PHKB: variants seen among roughly 807,000 people sequenced by gnomAD.
PHKB encodes the protein phosphorylase b kinase regulatory subunit beta.
PHKB carries 122 observed loss-of-function variants against 152.1 expected under a neutral mutation model. That is an observed-to-expected ratio of 0.80 (90% CI 0.69 to 0.93). The LOEUF (loss-of-function observed/expected upper bound fraction) is 0.93. Among genes scored for constraint, PHKB ranks in the 40% least tolerant of loss-of-function variants. The pLI is 0.00. For synonymous variants in PHKB, 436 were observed against 464.9 expected (o/e 0.94, Z 0.80); for missense variants, 1,304 against 1,328.4 (o/e 0.98, Z 0.29).
At chr16:47,572,538 G>A (rs906727529) in intron 7 of PHKB, among the ~76,000 whole-genome samples, 1 of 152,144 alleles carries the variant, frequency 6.6e-6, no homozygotes, top group Non-Finnish European at 1.5e-5. Context: ...GCTATGGACA[G>A]GTCTGCGGAA....
In PHKB at chr16:47,596,404, G is replaced by A; in HGVS notation, c.1236G>A (p.Val412=). 6.2e-7 allele frequency: 1 copy of A among 1,610,028 alleles called. No homozygotes were observed. Among genetic ancestry groups the A allele is most frequent in the East Asian group, 2.2e-5 (1 of 44,850 alleles). Residue 412 remains valine (V), a synonymous_variant, in exon 13 of 31, where the codon GTG becomes GTA. Transcript: ENST00000323584. ...GYPVVPKYYY[V]PADFVEYEKN... is the part of the protein sequence containing the mutation. ...CTGTTGTACCAAAGTACTATTATGT[G>A]CCAGCTGACTTTGTAGAATATGAAA...
chr16:47,487,627 A>G (rs921615500), intron 1 of PHKB, among the ~76,000 whole-genome samples: 1 of 151,974 alleles, frequency 6.6e-6, no homozygotes, highest in South Asian at 2.1e-4. Context: ...CTCTGTGTCT[A>G]TTGTTCCCTT....
intron 1 of PHKB, among the ~76,000 whole-genome samples, chr16:47,484,481 G>A (rs1035712965): frequency 5.9e-5 from 9 of 152,078 alleles, no homozygotes; most frequent in Non-Finnish European, 1.3e-4. Flanking sequence ...ATGTATATAT[G>A]TATGTATGCA....
intron 14 of PHKB, among the ~76,000 whole-genome samples, chr16:47,626,130 G>A (rs926383775): frequency 6.6e-6 from 1 of 152,188 alleles, no homozygotes; most frequent in African/African-American, 2.4e-5. Context: ...GTATAAAACT[G>A]TTAAATTCTC....
intron 6 of PHKB, among the ~76,000 whole-genome samples, chr16:47,537,310 G>T (rs906857958): frequency 4.6e-5 from 7 of 152,206 alleles, no homozygotes; most frequent in Non-Finnish European, 8.8e-5. Context: ...TGCTTAAGAG[G>T]TTGGCTTCAT....
intron 16 of PHKB, among the ~76,000 whole-genome samples, chr16:47,642,780 C>G (rs752275479): frequency 5.9e-5 from 9 of 152,062 alleles, no homozygotes; most frequent in Non-Finnish European, 1.2e-4. Context: ...TATACCTTCT[C>G]CAATAAATTT....
At chr16:47,497,571 T>C in intron 2 of PHKB, 83 bp downstream of exon 2, 1 of 809,574 alleles carries the variant, frequency 1.2e-6, no homozygotes, top group South Asian at 1.4e-5. Context: ...GTACATTATG[T>C]GGATGATATT....
At chr16:47,644,516 A>G (rs1330576921) in intron 16 of PHKB, among the ~76,000 whole-genome samples, 1 of 152,350 alleles carries the variant, frequency 6.6e-6, no homozygotes, top group East Asian at 1.9e-4. Context: ...AGCTCTGGCA[A>G]CACCACTAAT....
Position 47,696,638 on chromosome 16 carries a change from G to T in PHKB, c.3003+150G>T, listed in dbSNP as rs894507410. ...GAGACCCAGAACCCTATTCTTTCCG[G>T]AACCTTGATCTCTCCCAGCCGAGTC... On this transcript the variant is annotated intron_variant, in intron 29 of 30. Transcript: ENST00000323584. 3 of 685,464 alleles carry T rather than the reference G, an allele frequency of 4.4e-6. No homozygotes were observed. In the Admixed American group the frequency reaches 6.3e-5, roughly 14 times the overall value. The allele number at this position is 685,464 out of a possible 1,614,324, so 42.5% of individuals were successfully genotyped here.
chr16:47,551,207 A>G (rs552052413), intron 7 of PHKB, among the ~76,000 whole-genome samples: 6 of 151,042 alleles, frequency 4.0e-5, no homozygotes, highest in South Asian at 2.1e-4. Context: ...TTGTGTCTCT[A>G]TCTCCTTCAG....
At chr16:47,644,105 T>G (rs982258410) in intron 16 of PHKB, among the ~76,000 whole-genome samples, 1 of 108,598 alleles carries the variant, frequency 9.2e-6, no homozygotes, top group Admixed American at 9.6e-5. Flanking sequence ...TAATAAAGAG[T>G]AGTATTTAAA....
chr16:47,548,911 G>GA (rs1971222699), intron 7 of PHKB, among the ~76,000 whole-genome samples: 1 of 152,108 alleles, frequency 6.6e-6, no homozygotes, highest in Admixed American at 6.5e-5. Flanking sequence ...ATAAGAACTA[G>GA]AATGCTAGTG....
At chr16:47,497,366 CT>C (rs1254517014) in intron 1 of PHKB, 32 bp from the exon 2 acceptor site, 28 of 1,310,058 alleles carry the variant, frequency 2.1e-5, no homozygotes, top group Non-Finnish European at 2.8e-5. Context: ...GTGAAAATGA[CT>C]GAATTTGATG....
intron 7 of PHKB, among the ~76,000 whole-genome samples, chr16:47,551,454 C>T (rs1399413224): frequency 2.0e-5 from 3 of 152,228 alleles, no homozygotes; most frequent in Non-Finnish European, 4.4e-5. Context: ...TTTATTTCTG[C>T]CTTCATTTTG....
Position 47,699,454 on chromosome 16 carries a change from AT to A in PHKB, c.*89del, listed in dbSNP as rs1214525276. 1 of 1,475,198 alleles carries A rather than the reference AT, an allele frequency of 6.8e-7. No individual in the cohort carries two copies. Among genetic ancestry groups the A allele is most frequent in the African/African-American group, 1.4e-5 (1 of 72,180 alleles). The allele number at this position is 1,475,198 out of a possible 1,614,324, so 91.4% of individuals were successfully genotyped here. A position where few individuals can be genotyped will look rare whatever the true frequency, so the allele number is the denominator to read the frequency against. On this transcript the variant is annotated 3_prime_UTR_variant, in exon 31 of 31. Transcript: ENST00000323584. Reference sequence around the variant, plus strand: ...AAGCTTAATCAAGGCAGCCATTAATATACGAACTGAGCATGCTGGGGAGGTG... The same window carrying A: ...AAGCTTAATCAAGGCAGCCATTAATAACGAACTGAGCATGCTGGGGAGGTG...
intron 7 of PHKB, chr16:47,562,321 T>G (rs891212710): frequency 2.0e-5 from 3 of 152,276 alleles, no homozygotes; most frequent in African/African-American, 7.2e-5. Flanking sequence ...CCAGTAGAGA[T>G]GTGGCCATTC....
intron 7 of PHKB, among the ~76,000 whole-genome samples, chr16:47,567,142 AT>A (rs1406301252): frequency 1.3e-5 from 2 of 152,132 alleles, no homozygotes; most frequent in East Asian, 3.8e-4. Context: ...TGACCTTAGT[AT>A]TTTGATAGGA....
At chr16:47,652,927 G>A (rs1973264727) in intron 20 of PHKB, among the ~76,000 whole-genome samples, 1 of 152,074 alleles carries the variant, frequency 6.6e-6, no homozygotes. Context: ...ACAGGCATAA[G>A]CCACTGCAAC....
At chr16:47,652,800 G>T (rs1383079935) in intron 20 of PHKB, among the ~76,000 whole-genome samples, 1 of 151,970 alleles carries the variant, frequency 6.6e-6, no homozygotes, top group Admixed American at 6.5e-5. Flanking sequence ...ATGCCGCCAT[G>T]CCCAACTAAT....
Sources: allele counts gnomAD v4.1 joint callset (sites outside exome capture counted in the v4.1 genomes callset), GRCh38; gene constraint gnomAD v4.1.1; transcripts MANE v1.5; gene names NCBI Gene and HGNC (gene_info 2026-07-23, HGNC 2026-07-21).